The following ADGRB3 variants were observed in gnomAD, a reference collection of about 807,000 sequenced individuals.
The protein encoded by ADGRB3 is brain-specific angiogenesis inhibitor 3.
A neutral mutation model predicts 193.4 loss-of-function variants in ADGRB3; 37 were observed. That is an observed-to-expected ratio of 0.19 (90% CI 0.15 to 0.25). ADGRB3 has a LOEUF of 0.25. ADGRB3 is among the 10% of genes least tolerant of loss of function. The pLI is 1.00. For synonymous variants in ADGRB3, 690 were observed against 644.2 expected (o/e 1.07, Z -1.08); for missense variants, 1,637 against 1,852.9 (o/e 0.88, Z 2.14).
At chr6:69,068,535 A>C (rs1446516016) in intron 16 of ADGRB3, among the ~76,000 whole-genome samples, 1 of 152,194 alleles carries the variant, frequency 6.6e-6, no homozygotes, top group Admixed American at 6.6e-5. Flanking sequence ...GATCACATGC[A>C]GGTAGGACAC....
chr6:69,185,050 TA>T (rs1182125054), intron 17 of ADGRB3, among the ~76,000 whole-genome samples: 1 of 152,140 alleles, frequency 6.6e-6, no homozygotes, highest in Non-Finnish European at 1.5e-5. Flanking sequence ...CATTATATTT[TA>T]ATATTACATA....
chr6:69,229,200 C>T lies in ADGRB3; in HGVS notation c.2481-4090C>T, dbSNP rs147964500. Among the ~76,000 whole-genome samples the T allele has an allele frequency of 1.6e-4, 24 of 152,166 alleles. No individual in the cohort carries two copies. In the East Asian group the frequency reaches 3.9e-3, roughly 25 times the overall value. On this transcript the variant is annotated intron_variant, in intron 17 of 31. Coordinates refer to ENST00000370598, the MANE Select transcript of ADGRB3 (RefSeq NM_001704.3). ...TGTCTTTTAAAGTAGAAATTAACGT[C>T]GAAGAGTGTTCTTGCTCAAAATTGA... is the stretch of plus-strand genomic sequence containing the variant.
At chr6:69,069,284 G>T (rs910441354) in intron 16 of ADGRB3, among the ~76,000 whole-genome samples, 1 of 151,652 alleles carries the variant, frequency 6.6e-6, no homozygotes, top group South Asian at 2.1e-4. Flanking sequence ...ACTCTTTAAG[G>T]GACTGTAGAA....
chr6:69,121,128 G>A (rs1280359768), intron 17 of ADGRB3, among the ~76,000 whole-genome samples: 1 of 151,824 alleles, frequency 6.6e-6, no homozygotes, highest in African/African-American at 2.4e-5. Flanking sequence ...AAGGTCTCTG[G>A]TTTTCCTAGG....
intron 3 of ADGRB3, among the ~76,000 whole-genome samples, chr6:68,841,923 A>G (rs568893552): frequency 9.0e-4 from 137 of 151,816 alleles, no homozygotes; most frequent in African/African-American, 3.2e-3. Context: ...GGTACAAAAA[A>G]TAGGAAAAAC....
At chr6:69,165,523 C>A (rs1775109889) in intron 17 of ADGRB3, among the ~76,000 whole-genome samples, 1 of 151,870 alleles carries the variant, frequency 6.6e-6, no homozygotes, top group Non-Finnish European at 1.5e-5. Flanking sequence ...TTTGCAACCT[C>A]AAGCCTTTAT....
chr6:69,339,350 C>T lies in ADGRB3; in HGVS notation c.3305C>T (p.Ser1102Phe), dbSNP rs1468168908. The T allele has an allele frequency of 6.2e-7, 1 of 1,613,872 alleles. No individual in the cohort carries two copies. ...CTCAACAGGGCGTCTCTTTGGAGCTCCTGTGTGGTGTTGCCCCTTCTGGCT... is the reference window on the plus strand; with the variant it reads ...CTCAACAGGGCGTCTCTTTGGAGCTTCTGTGTGGTGTTGCCCCTTCTGGCT... ...ASNAMASLWS[S>F]CVVLPLLALT... is the part of the protein sequence containing the mutation. The change falls in exon 26 of 32, where the codon TCC (serine) becomes TTC (phenylalanine). Residue 1102 changes from serine (S) to phenylalanine (F), a missense_variant. Transcript: ENST00000370598.
chr6:69,060,247 T>TCTCTCTCTC (rs748168840), intron 15 of ADGRB3, among the ~76,000 whole-genome samples: 2 of 150,898 alleles, frequency 1.3e-5, no homozygotes, highest in Admixed American at 1.3e-4. Flanking sequence ...TCTCTCTCTC[T>TCTCTCTCTC]CTCCTCCTCT....
chr6:68,727,391 T>C (rs1392786295), intron 3 of ADGRB3, among the ~76,000 whole-genome samples: 2 of 151,594 alleles, frequency 1.3e-5, no homozygotes, highest in Admixed American at 1.3e-4. Flanking sequence ...CATATGTCAT[T>C]GAATGTAATT....
chr6:69,217,012 C>T, intron 17 of ADGRB3, among the ~76,000 whole-genome samples: 1 of 152,108 alleles, frequency 6.6e-6, no homozygotes, highest in East Asian at 1.9e-4. Flanking sequence ...AGGGAAAAGA[C>T]ATTTAGGAGG....
intron 5 of ADGRB3, among the ~76,000 whole-genome samples, chr6:68,942,854 G>C (rs1261343202): frequency 1.3e-5 from 2 of 152,088 alleles, no homozygotes; most frequent in African/African-American, 4.8e-5. Context: ...CAGGTGATCT[G>C]CCCATCTTGG....
chr6:69,291,211 G>C (rs189768966), intron 20 of ADGRB3, among the ~76,000 whole-genome samples: 11 of 151,928 alleles, frequency 7.2e-5, no homozygotes, highest in Non-Finnish European at 1.5e-4. Flanking sequence ...ATAATTCTCG[G>C]AATTCCAATA....
chr6:68,869,434 A>AAATATAATTTAAGATTCTGTC lies in ADGRB3; in HGVS notation c.758-61125_758-61124insAATATAATTTAAGATTCTGTC, dbSNP rs1765397763. Among the ~76,000 whole-genome samples the AAATATAATTTAAGATTCTGTC allele has an allele frequency of 3.9e-5, 6 of 152,286 alleles. No homozygotes were observed. The South Asian group carries it at 6.2e-4, about 16-fold the overall frequency. On this transcript the variant is annotated intron_variant, in intron 3 of 31. Coordinates refer to ENST00000370598, the MANE Select transcript of ADGRB3 (RefSeq NM_001704.3). ...CAAATTTAGAGTGATAATTATATCT[A>AAATATAATTTAAGATTCTGTC]CAGAAGCTTAAATTTTCTGGACAGA...
chr6:68,826,831 C>T (rs908072535), intron 3 of ADGRB3, among the ~76,000 whole-genome samples: 5 of 152,142 alleles, frequency 3.3e-5, no homozygotes, highest in African/African-American at 1.2e-4. Flanking sequence ...AGAATGACTA[C>T]ATTGTTTTGG....
chr6:69,195,606 A>T (rs1352624218), intron 17 of ADGRB3, among the ~76,000 whole-genome samples: 1 of 150,340 alleles, frequency 6.7e-6, no homozygotes, highest in East Asian at 1.9e-4. Flanking sequence ...TTACCATTAT[A>T]TTCTCTGGCC....
intron 16 of ADGRB3, among the ~76,000 whole-genome samples, chr6:69,065,760 TATATACACACACACACAC>T (rs1771882854): frequency 8.5e-6 from 1 of 118,132 alleles, no homozygotes; most frequent in Admixed American, 8.5e-5. Context: ...TTCATGTATA[TATATACACACACACACAC>T]ACACACACAC....
rs546733301 is a variant in ADGRB3 at position 68,987,867 on chromosome 6, G to A, written c.1735-5901G>A. ...TGATTGTTGTTATTATTTTCTAAAG[G>A]TAGCAAGTATATAACTGTAGATGTC... is the stretch of plus-strand genomic sequence containing the variant. On this transcript the variant is annotated intron_variant, in intron 10 of 31. Transcript: ENST00000370598. Among the ~76,000 whole-genome samples the A allele has an allele frequency of 1.4e-4, 21 of 152,190 alleles. No homozygotes were observed. The East Asian group carries it at 2.1e-3, about 15-fold the overall frequency.
chr6:69,326,168 G>A (rs1212571940), intron 21 of ADGRB3, among the ~76,000 whole-genome samples: 3 of 152,110 alleles, frequency 2.0e-5, no homozygotes, highest in East Asian at 1.9e-4. Flanking sequence ...GCATGAGCCT[G>A]GGAAGTGGAG....
intron 3 of ADGRB3, among the ~76,000 whole-genome samples, chr6:68,807,404 A>T (rs967668008): frequency 2.6e-5 from 4 of 151,374 alleles, no homozygotes; most frequent in African/African-American, 9.7e-5. Context: ...TTGCCCGGGT[A>T]ATTTTGTTTG....
Sources: allele counts gnomAD v4.1 joint callset (sites outside exome capture counted in the v4.1 genomes callset), GRCh38; gene constraint gnomAD v4.1.1; transcripts MANE v1.5; gene names NCBI Gene and HGNC (gene_info 2026-07-23, HGNC 2026-07-21).